MRTFB: variants seen among roughly 807,000 people sequenced by gnomAD.
MRTFB encodes myocardin related transcription factor B.
A neutral mutation model predicts 104.2 loss-of-function variants in MRTFB; 29 were observed. That is an observed-to-expected ratio of 0.28 (90% CI 0.21 to 0.38). The LOEUF (loss-of-function observed/expected upper bound fraction) is 0.38. Ranked by LOEUF, MRTFB falls within the 10% of genes least tolerant of loss-of-function variation. The probability of loss-of-function intolerance (pLI) is 1.00; values close to 1 mark genes in which losing one functional copy is unlikely to be tolerated. For missense variants in MRTFB, 1,270 were observed against 1,341.6 expected, an observed-to-expected ratio of 0.95 and a Z score of 0.83; for synonymous variants, 535 against 519.5, an observed-to-expected ratio of 1.03 and a Z score of -0.41.
intron 2 of MRTFB, among the ~76,000 whole-genome samples, chr16:14,122,145 T>G (rs968333684): frequency 6.6e-6 from 1 of 152,140 alleles, no homozygotes; most frequent in Non-Finnish European, 1.5e-5. Flanking sequence ...GTAAGTGTTA[T>G]ATATATACAC....
chr16:14,038,811 AT>A, the MRTFB span, among the ~76,000 whole-genome samples: 1 of 152,208 alleles, frequency 6.6e-6, no homozygotes, highest in South Asian at 2.1e-4. Flanking sequence ...AGACAGTGTA[AT>A]TTATAAAGAA....
At chr16:14,059,587 C>T in the MRTFB span, among the ~76,000 whole-genome samples, 6 of 152,170 alleles carry the variant, frequency 3.9e-5, no homozygotes, top group Non-Finnish European at 8.8e-5. Context: ...ATTTGCAGGG[C>T]CACACTGTGG....
At chr16:14,191,130 G>A (rs890812354) in intron 3 of MRTFB, among the ~76,000 whole-genome samples, 11 of 152,154 alleles carry the variant, frequency 7.2e-5, no homozygotes, top group African/African-American at 2.7e-4. Context: ...TACTCTACCT[G>A]TACTGTCCAC....
In MRTFB at chr16:14,173,823, G is replaced by T. The variant is rs552129470; in HGVS notation, c.154+33063G>T. 9.2e-5 allele frequency among the ~76,000 whole-genome samples: 14 copies of T among 152,100 alleles called. No homozygotes were observed. In the East Asian group the frequency reaches 2.7e-3, roughly 29 times the overall value. On this transcript the variant is annotated intron_variant, in intron 3 of 16. Coordinates refer to ENST00000571589, the MANE Select transcript of MRTFB (RefSeq NM_001308142.2). ...ATTCTTCCATTTTTATTGATGTAAT[G>T]GTTTACGGATTTGAATTTTTCTCTG...
chr16:14,112,493 T>C (rs990976833), intron 2 of MRTFB, among the ~76,000 whole-genome samples: 1 of 152,090 alleles, frequency 6.6e-6, no homozygotes, highest in African/African-American at 2.4e-5. Flanking sequence ...AGCAGGAGGA[T>C]TGTGAGAGGC....
chr16:14,179,130 A>G (rs1201434932), intron 3 of MRTFB, among the ~76,000 whole-genome samples: 2 of 152,264 alleles, frequency 1.3e-5, no homozygotes, highest in African/African-American at 4.8e-5. Context: ...TAGCACTTAT[A>G]TGACAAAACT....
chr16:14,110,391 G>C (rs2036210621), intron 2 of MRTFB, among the ~76,000 whole-genome samples: 1 of 152,236 alleles, frequency 6.6e-6, no homozygotes, highest in Non-Finnish European at 1.5e-5. Context: ...TAGTGAAGGA[G>C]CTCTGAAGGC....
Position 14,173,912 on chromosome 16 carries a change from T to G in MRTFB, c.154+33152T>G, listed in dbSNP as rs146406185. 8.0e-3 allele frequency among the ~76,000 whole-genome samples: 1,222 copies of G among 152,302 alleles called. 4 individuals carry two copies. Among genetic ancestry groups the G allele is most frequent in the Non-Finnish European group, 0.012 (805 of 68,026 alleles). ...AAACAACTATTTTTTTTAGAAATTT[T>G]TCTATTTTACTTTGTATTTTTCCTT... On this transcript the variant is annotated intron_variant, in intron 3 of 16. Coordinates refer to ENST00000571589, the MANE Select transcript of MRTFB (RefSeq NM_001308142.2).
chr16:14,243,991 C>T (rs2042903737), intron 10 of MRTFB, among the ~76,000 whole-genome samples: 2 of 151,882 alleles, frequency 1.3e-5, no homozygotes, highest in African/African-American at 4.8e-5. Flanking sequence ...CATTCTCCTG[C>T]CTCAGCCTCC....
the MRTFB span, among the ~76,000 whole-genome samples, chr16:14,012,010 C>T: frequency 1.3e-5 from 2 of 152,150 alleles, no homozygotes; most frequent in African/African-American, 4.8e-5. Context: ...TGTCACCCAG[C>T]ATTGCCCCTG....
At chr16:14,018,066 A>G in the MRTFB span, among the ~76,000 whole-genome samples, 2 of 151,466 alleles carry the variant, frequency 1.3e-5, no homozygotes, top group African/African-American at 4.9e-5. Flanking sequence ...AGAAAAACAC[A>G]CTCTTGTATC....
intron 2 of MRTFB, among the ~76,000 whole-genome samples, chr16:14,113,278 A>C (rs1017917210): frequency 2.6e-5 from 4 of 152,354 alleles, no homozygotes; most frequent in Admixed American, 2.0e-4. Context: ...TCCTGACCTC[A>C]GGTGATCCAC....
intron 5 of MRTFB, 87 bp downstream of exon 5, chr16:14,212,496 C>G: frequency 2.5e-6 from 3 of 1,183,834 alleles, no homozygotes; most frequent in Non-Finnish European, 3.8e-6. Flanking sequence ...CAGTGTTACT[C>G]CTAAATATGT....
chr16:14,050,852 G>A, the MRTFB span, among the ~76,000 whole-genome samples: 5 of 152,066 alleles, frequency 3.3e-5, no homozygotes, highest in African/African-American at 9.7e-5. Context: ...GTCTTGACTC[G>A]CCACCTCCAC....
At chr16:13,995,721 G>A in the MRTFB span, among the ~76,000 whole-genome samples, 1 of 152,132 alleles carries the variant, frequency 6.6e-6, no homozygotes, top group Admixed American at 6.5e-5. Context: ...GGGGAAGCAG[G>A]CACATCATCC....
intron 13 of MRTFB, among the ~76,000 whole-genome samples, chr16:14,249,552 T>A (rs1180661186): frequency 2.0e-5 from 3 of 152,208 alleles, no homozygotes; most frequent in Non-Finnish European, 2.9e-5. Context: ...GAAGGTCTTA[T>A]CAATTCCAGT....
rs765831580 is a variant in MRTFB at position 14,240,649 on chromosome 16, A to G, written c.1079+165A>G. On this transcript the variant is annotated intron_variant, in intron 10 of 16. Transcript: ENST00000571589. ...CACAGTGTCTGAAGTCCACATGGTGAGAGTGGCCTGCATTCCATTCCAGTT... is the reference window on the plus strand; with the variant it reads ...CACAGTGTCTGAAGTCCACATGGTGGGAGTGGCCTGCATTCCATTCCAGTT... The G allele has an allele frequency of 3.4e-6, 4 of 1,178,628 alleles. No individual in the cohort carries two copies. The Admixed American group carries it at 6.7e-5, about 20-fold the overall frequency. The allele number at this position is 1,178,628 out of a possible 1,614,324, so 73.0% of individuals were successfully genotyped here.
intron 3 of MRTFB, among the ~76,000 whole-genome samples, chr16:14,153,956 CTCTAAGTATCATGTGCTTA>C: frequency 6.6e-6 from 1 of 152,276 alleles, no homozygotes; most frequent in Non-Finnish European, 1.5e-5. Context: ...TTAATAGCCC[CTCTAAGTATCATGTGCTTA>C]CAACTACATG....
chr16:14,199,549 T>A (rs2040589358), intron 3 of MRTFB, among the ~76,000 whole-genome samples: 1 of 152,158 alleles, frequency 6.6e-6, no homozygotes, highest in Admixed American at 6.5e-5. Context: ...CAGTAAATGG[T>A]CTACCCAGGT....
Sources: allele counts gnomAD v4.1 joint callset (sites outside exome capture counted in the v4.1 genomes callset), GRCh38; gene constraint gnomAD v4.1.1; transcripts MANE v1.5; gene names NCBI Gene and HGNC (gene_info 2026-07-23, HGNC 2026-07-21).